Variants in UBE2W observed in about 807,000 individuals in gnomAD.
The protein encoded by UBE2W is ubiquitin conjugating enzyme E2 W.
In UBE2W, 18 loss-of-function variants were observed where a neutral mutation model predicts 27.2. The observed-to-expected ratio is 0.66, with a 90% CI of 0.46 to 0.98. The LOEUF is 0.98. Ranked by LOEUF, UBE2W falls within the 50% of genes least tolerant of loss-of-function variation. The pLI is 0.00. For synonymous variants in UBE2W, 53 were observed against 57.2 expected, an observed-to-expected ratio of 0.93 and a Z score of 0.33; for missense variants, 90 against 180.2, an observed-to-expected ratio of 0.50 and a Z score of 2.87.
At chr8:73,841,302 A>T (rs994120525) in intron 1 of UBE2W, among the ~76,000 whole-genome samples, 4 of 151,864 alleles carry the variant, frequency 2.6e-5, no homozygotes, top group South Asian at 2.1e-4. Context: ...TTTTTTTTTT[A>T]AAACAGAACT....
intron 3 of UBE2W, among the ~76,000 whole-genome samples, chr8:73,823,648 T>C (rs1223418312): frequency 1.3e-5 from 2 of 152,218 alleles, no homozygotes; most frequent in African/African-American, 2.4e-5. Context: ...CTTTTTATTA[T>C]AGTCTACAAA....
intron 1 of UBE2W, among the ~76,000 whole-genome samples, chr8:73,851,395 G>T (rs185437652): frequency 7.2e-5 from 11 of 152,134 alleles, no homozygotes; most frequent in African/African-American, 2.7e-4. Flanking sequence ...AGCTAGATGC[G>T]GAGTACAGAA....
downstream of UBE2W, among the ~76,000 whole-genome samples, chr8:73,784,800 C>A (rs1807905848): frequency 6.6e-6 from 1 of 152,070 alleles, no homozygotes; most frequent in Admixed American, 6.6e-5. Flanking sequence ...ACTTCAGACT[C>A]CTTGTTTTAG....
intron 4 of UBE2W, among the ~76,000 whole-genome samples, chr8:73,781,010 C>G (rs1807830685): frequency 6.6e-6 from 1 of 151,880 alleles, no homozygotes; most frequent in Non-Finnish European, 1.5e-5. Context: ...TGGCTCACGC[C>G]TGTAATCCCA....
intron 1 of UBE2W, among the ~76,000 whole-genome samples, chr8:73,869,546 C>G (rs192762999): frequency 6.6e-6 from 1 of 152,300 alleles, no homozygotes; most frequent in East Asian, 1.9e-4. Context: ...CAAAAATTAG[C>G]TGGGTGTGGT....
intron 3 of UBE2W, among the ~76,000 whole-genome samples, chr8:73,821,227 C>T (rs574780064): frequency 9.2e-5 from 14 of 152,228 alleles, no homozygotes; most frequent in African/African-American, 3.1e-4. Flanking sequence ...TTCACTTCTA[C>T]AAGTTTCAAT....
chr8:73,856,357 A>ATTTTTTTTT lies in UBE2W; in HGVS notation c.15+22442_15+22450dup, dbSNP rs34593904. 5.4e-4 allele frequency among the ~76,000 whole-genome samples: 48 copies of ATTTTTTTTT among 89,350 alleles called. 1 individual carries two copies. Among genetic ancestry groups the ATTTTTTTTT allele is most frequent in the East Asian group, 1.1e-3 (3 of 2,798 alleles). The allele number at this position is 89,350 out of a possible 152,430, so 58.6% of individuals were successfully genotyped here. A position where few individuals can be genotyped will look rare whatever the true frequency, so the allele number is the denominator to read the frequency against. Reference sequence around the variant, plus strand: ...ATAGACAAATTATATACACTTATGAATTTTTTTTTTTTTTTTTTTTTTTTG... The same window carrying ATTTTTTTTT: ...ATAGACAAATTATATACACTTATGAATTTTTTTTTTTTTTTTTTTTTTTTTTTTTTTTTG... On this transcript the variant is annotated intron_variant, in intron 1 of 5. Coordinates refer to ENST00000602593, the MANE Select transcript of UBE2W (RefSeq NM_018299.6).
intron 1 of UBE2W, among the ~76,000 whole-genome samples, chr8:73,851,039 T>A (rs184789516): frequency 2.0e-5 from 3 of 151,742 alleles, no homozygotes; most frequent in Admixed American, 1.3e-4. Flanking sequence ...TTTGTAGAGA[T>A]AGGATTGCGC....
chr8:73,790,320 A>T lies in UBE2W; in HGVS notation c.*3782T>A, dbSNP rs1045327585. 1 of 985,440 alleles carries T rather than the reference A, an allele frequency of 1.0e-6. No homozygotes were observed. The highest frequency in any genetic ancestry group is 6.1e-5 in the Admixed American group (1 of 16,270). The allele number at this position is 985,440 out of a possible 1,614,324, so 61.0% of individuals were successfully genotyped here. On this transcript the variant is annotated 3_prime_UTR_variant, in exon 6 of 6. Transcript: ENST00000602593. ...TTTAAAACAATTTAAAAAGGACTAC[A>T]AAGAGGATTGGGGCCAGTTGGTGCA...
chr8:73,818,132 T>C (rs558917796), intron 3 of UBE2W, among the ~76,000 whole-genome samples: 1 of 152,190 alleles, frequency 6.6e-6, no homozygotes, highest in Non-Finnish European at 1.5e-5. Flanking sequence ...TGCTTTCCCT[T>C]TTGCCCCCAA....
chr8:73,808,573 T>C (rs1038250238), intron 4 of UBE2W, among the ~76,000 whole-genome samples: 22 of 152,222 alleles, frequency 1.4e-4, no homozygotes, highest in Admixed American at 1.4e-3. Flanking sequence ...TAGATCTCTC[T>C]AATGCCAGAT....
intron 1 of UBE2W, among the ~76,000 whole-genome samples, chr8:73,874,132 TA>T (rs1812118309): frequency 6.6e-6 from 1 of 152,116 alleles, no homozygotes; most frequent in Admixed American, 6.6e-5. Context: ...GAAAAAAGGT[TA>T]TAAAATTTAA....
At chr8:73,835,279 C>T (rs1434387153) in intron 1 of UBE2W, among the ~76,000 whole-genome samples, 1 of 151,940 alleles carries the variant, frequency 6.6e-6, no homozygotes, top group Non-Finnish European at 1.5e-5. Flanking sequence ...CTTTCATCTC[C>T]ACAAAGGAAG....
intron 1 of UBE2W, among the ~76,000 whole-genome samples, chr8:73,848,360 T>TCACGCA (rs1297396189): frequency 6.6e-6 from 1 of 151,728 alleles, no homozygotes; most frequent in African/African-American, 2.4e-5. Flanking sequence ...TATGTAAAGC[T>TCACGCA]CACAAACAGG....
chr8:73,831,705 T>C (rs549284949), intron 1 of UBE2W: 1 of 151,766 alleles, frequency 6.6e-6, no homozygotes, highest in Non-Finnish European at 1.5e-5. Flanking sequence ...TTCAACACCA[T>C]GCTTGGCTAA....
At chr8:73,780,692 T>C (rs1380744433) in intron 4 of UBE2W, among the ~76,000 whole-genome samples, 2 of 151,946 alleles carry the variant, frequency 1.3e-5, no homozygotes, top group Non-Finnish European at 2.9e-5. Flanking sequence ...GCTAATTTGT[T>C]TGTATTTTTT....
chr8:73,830,550 A>C, intron 1 of UBE2W, 78 bp from the exon 2 acceptor site: 1 of 1,088,126 alleles, frequency 9.2e-7, no homozygotes, highest in Non-Finnish European at 1.4e-6. Flanking sequence ...CAGTGGTGTG[A>C]TCACAGCTCA....
At chr8:73,812,049 TAG>T (rs757569404) in intron 3 of UBE2W, among the ~76,000 whole-genome samples, 28 of 152,034 alleles carry the variant, frequency 1.8e-4, no homozygotes, top group Non-Finnish European at 3.5e-4. Flanking sequence ...TTCATATGAG[TAG>T]AGTCTTCTAA....
intron 1 of UBE2W, among the ~76,000 whole-genome samples, chr8:73,848,933 G>GA (rs1810938253): frequency 6.6e-6 from 1 of 152,086 alleles, no homozygotes. Context: ...ATTGACTGGT[G>GA]ATAGTTGCAT....
Sources: allele counts gnomAD v4.1 joint callset (sites outside exome capture counted in the v4.1 genomes callset), GRCh38; gene constraint gnomAD v4.1.1; transcripts MANE v1.5; gene names NCBI Gene and HGNC (gene_info 2026-07-23, HGNC 2026-07-21).